The following ATP10A variants were observed in gnomAD, a reference collection of about 807,000 sequenced individuals.
ATP10A encodes phospholipid-transporting ATPase VA.
In ATP10A, 111 loss-of-function variants were observed where a neutral mutation model predicts 147.8. The observed-to-expected ratio is 0.75, with a 90% CI of 0.64 to 0.88. The LOEUF is 0.88. Among genes scored for constraint, ATP10A ranks in the 40% least tolerant of loss-of-function variants. The pLI is 0.00. For missense variants in ATP10A, 1,927 were observed against 1,959.0 expected (o/e 0.98, Z 0.31); for synonymous variants, 875 against 841.6 (o/e 1.04, Z -0.69).
At chr15:25,734,282 G>A (rs1001403565) in intron 3 of ATP10A, among the ~76,000 whole-genome samples, 4 of 152,178 alleles carry the variant, frequency 2.6e-5, no homozygotes, top group South Asian at 2.1e-4. Context: ...GCCAGGCACC[G>A]CCCTGTCACA....
chr15:25,839,450 G>C (rs1395877792), intron 1 of ATP10A, among the ~76,000 whole-genome samples: 1 of 152,106 alleles, frequency 6.6e-6, no homozygotes, highest in African/African-American at 2.4e-5. Context: ...AAATCTTAAT[G>C]CTTATCTCCG....
At chr15:25,794,438 A>T (rs767892440) in intron 1 of ATP10A, among the ~76,000 whole-genome samples, 3 of 152,246 alleles carry the variant, frequency 2.0e-5, no homozygotes, top group South Asian at 4.1e-4. Flanking sequence ...TACTGCAAAT[A>T]TCCCTAAATT....
chr15:25,733,717 C>G (rs1887097426), intron 3 of ATP10A, among the ~76,000 whole-genome samples: 1 of 152,180 alleles, frequency 6.6e-6, no homozygotes, highest in Non-Finnish European at 1.5e-5. Context: ...GCACACTGGC[C>G]CAGATGGTGC....
intron 1 of ATP10A, among the ~76,000 whole-genome samples, chr15:25,782,135 T>C (rs1267889152): frequency 3.9e-5 from 6 of 152,192 alleles, no homozygotes; most frequent in Non-Finnish European, 7.3e-5. Context: ...ACTGAAGACA[T>C]TGTGCCAAGT....
chr15:25,780,935 A>G, intron 2 of ATP10A, 84 bp downstream of exon 2: 2 of 1,409,896 alleles, frequency 1.4e-6, no homozygotes, highest in East Asian at 4.6e-5. Context: ...AGGAAAATGC[A>G]GGTGCTCTGA....
chr15:25,788,812 A>G (rs1011059236), intron 1 of ATP10A, among the ~76,000 whole-genome samples: 4 of 152,352 alleles, frequency 2.6e-5, no homozygotes, highest in Admixed American at 2.6e-4. Flanking sequence ...TTATGTGTTT[A>G]GTATCATTCT....
intron 1 of ATP10A, among the ~76,000 whole-genome samples, chr15:25,843,494 G>A (rs1025215953): frequency 6.6e-6 from 1 of 151,998 alleles, no homozygotes; most frequent in African/African-American, 2.4e-5. Context: ...GCCCAGACTT[G>A]GTGCAGAAAA....
rs146429937 is a variant in ATP10A at position 25,797,305 on chromosome 15, G to A, written c.450-16082C>T. On this transcript the variant is annotated intron_variant, in intron 1 of 20. Transcript: ENST00000555815. ...TTGCAAGTTCTAGTAAGTTGGAAAT[G>A]TAATTTTTTCAGAAAAGAATTCACA... Among the ~76,000 whole-genome samples, 781 of 152,326 alleles carry A rather than the reference G, an allele frequency of 5.1e-3. 2 individuals are homozygous for A. Among genetic ancestry groups the A allele is most frequent in the Non-Finnish European group, 9.2e-3 (625 of 68,040 alleles).
At chr15:25,716,081 C>T (rs1444329579) in intron 9 of ATP10A, among the ~76,000 whole-genome samples, 1 of 152,220 alleles carries the variant, frequency 6.6e-6, no homozygotes, top group Admixed American at 6.5e-5. Flanking sequence ...TTTCCAGTGT[C>T]CTAAGTAGCC....
chr15:25,821,044 TAAACTTTTTAATTTAAA>T (rs1236797473), intron 1 of ATP10A, among the ~76,000 whole-genome samples: 1 of 152,236 alleles, frequency 6.6e-6, no homozygotes, highest in African/African-American at 2.4e-5. Context: ...ATATATCCTA[TAAACTTTTTAATTTAAA>T]AAACCTTAAT....
At chr15:25,749,278 A>G (rs1888023054) in intron 2 of ATP10A, among the ~76,000 whole-genome samples, 1 of 152,168 alleles carries the variant, frequency 6.6e-6, no homozygotes, top group South Asian at 2.1e-4. Context: ...TAAAAAATGT[A>G]TAAGATCTCA....
Position 25,726,003 on chromosome 15 carries a change from G to A in ATP10A, c.927C>T (p.Asp309=), listed in dbSNP as rs141485196. Residue 309 remains aspartate, a synonymous_variant, in exon 5 of 21, where the codon GAC becomes GAT. Coordinates refer to ENST00000555815, the MANE Select transcript of ATP10A (RefSeq NM_024490.4). The stretch of plus-strand genomic sequence containing the variant: ...CAAGGAGCAGGACACACCAGAGCAC[G>A]TCGCAGTTCATCTGCCTCTCCAGCT... ...RSKLERQMNC[D]VLWCVLLLVC... The A allele has an allele frequency of 4.3e-6, 7 of 1,613,990 alleles. No homozygotes were observed. The African/African-American group carries it at 5.3e-5, about 12-fold the overall frequency.
chr15:25,832,892 C>A (rs1596972098), intron 1 of ATP10A, among the ~76,000 whole-genome samples: 1 of 151,728 alleles, frequency 6.6e-6, no homozygotes. Context: ...TTGATCATTA[C>A]AAACCGTATA....
intron 1 of ATP10A, among the ~76,000 whole-genome samples, chr15:25,854,894 C>T (rs1893441247): frequency 6.6e-6 from 1 of 152,102 alleles, no homozygotes; most frequent in South Asian, 2.1e-4. Context: ...CCAGTCTCTA[C>T]TAGAAAAATA....
intron 1 of ATP10A, among the ~76,000 whole-genome samples, chr15:25,806,159 C>A (rs1376101642): frequency 6.6e-6 from 1 of 152,158 alleles, no homozygotes; most frequent in African/African-American, 2.4e-5. Context: ...CCTGCCTCCC[C>A]TTCCACCTCC....
intron 1 of ATP10A, among the ~76,000 whole-genome samples, chr15:25,815,329 G>A (rs969286902): frequency 3.3e-5 from 5 of 151,972 alleles, no homozygotes; most frequent in East Asian, 3.9e-4. Context: ...ATGTGACCAC[G>A]GGCAGGCTGC....
intron 2 of ATP10A, among the ~76,000 whole-genome samples, chr15:25,762,966 C>T (rs1888838181): frequency 6.6e-6 from 1 of 151,954 alleles, no homozygotes. Context: ...AGTTTTCAAC[C>T]GATAATTAAC....
At chr15:25,830,158 T>G (rs1892294705) in intron 1 of ATP10A, among the ~76,000 whole-genome samples, 1 of 152,204 alleles carries the variant, frequency 6.6e-6, no homozygotes, top group East Asian at 1.9e-4. Flanking sequence ...CCTGGTGATG[T>G]GCCGCTGCCA....
Position 25,680,297 on chromosome 15 carries a change from G to T in ATP10A, c.3690C>A (p.Asn1230Lys). ...GIETKTWTWL[N>K]WITCGFSVLL... ...GGACACTGAAGCCACACGTTATCCA[G>T]TTGAGCCAGGTCTGAGGGGGAATGA... The change falls in exon 20 of 21, where the codon AAC becomes AAA. Residue 1230 changes from asparagine to lysine, a missense_variant. Transcript: ENST00000555815. The T allele has an allele frequency of 6.2e-7, 1 of 1,614,194 alleles. No homozygotes were observed. The highest frequency in any genetic ancestry group is 8.5e-7 in the Non-Finnish European group (1 of 1,179,998).
Sources: allele counts gnomAD v4.1 joint callset (sites outside exome capture counted in the v4.1 genomes callset), GRCh38; gene constraint gnomAD v4.1.1; transcripts MANE v1.5; gene names NCBI Gene and HGNC (gene_info 2026-07-23, HGNC 2026-07-21).